Variants in DBNL observed in about 807,000 individuals in gnomAD.
The protein encoded by DBNL is drebrin-like protein.
Under a neutral mutation model 62.2 loss-of-function variants are expected in DBNL, and 35 were observed. The ratio of observed to expected loss-of-function variants is 0.56; its 90% CI spans 0.43 to 0.75. DBNL has a LOEUF of 0.75. Ranked by LOEUF, DBNL falls within the 30% of genes least tolerant of loss-of-function variation. The probability of loss-of-function intolerance (pLI) is 0.00; values close to 1 mark genes in which losing one functional copy is unlikely to be tolerated. For missense variants in DBNL, 495 were observed against 578.4 expected, an observed-to-expected ratio of 0.86 and a Z score of 1.48; for synonymous variants, 197 against 218.0, an observed-to-expected ratio of 0.90 and a Z score of 0.85.
intron 8 of DBNL, 174 bp downstream of exon 8, chr7:44,058,654 A>T: frequency 1.0e-6 from 1 of 972,310 alleles, no homozygotes. Flanking sequence ...CCAAAGGCGG[A>T]AGCGTCGGGC....
rs936304735 is a variant in DBNL, at chr7:44,059,925, C to T, written c.1048-123C>T. 2.1e-6 allele frequency: 2 copies of T among 962,416 alleles called. No homozygotes were observed. The highest frequency in any genetic ancestry group is 1.6e-5 in the South Asian group (1 of 63,682). 59.6% of individuals were successfully genotyped at this position (962,416 alleles called of 1,614,324 possible). On this transcript the variant is annotated intron_variant, in intron 11 of 12. Transcript: ENST00000448521. The surrounding 1 kb of genome is among the most constrained non-coding windows in gnomAD (Gnocchi z 4.1). ...TAGGGCGGGGACAGCAGCAGCCCAG[C>T]CCCCGAGCCTGTAGACTGCTTGCCC...
At chr7:44,057,314 C>G (rs1036181168) in intron 5 of DBNL, among the ~76,000 whole-genome samples, 1 of 152,222 alleles carries the variant, frequency 6.6e-6, no homozygotes, top group East Asian at 1.9e-4. Context: ...ACGGGAGATA[C>G]CTGTGGGCCT....
At position 44,065,625 on chromosome 7, in the gene DBNL, C is replaced by A; in HGVS notation, c.*4709C>A. 1 of 1,201,980 alleles carries A rather than the reference C, an allele frequency of 8.3e-7. No homozygotes were observed. The highest frequency in any genetic ancestry group is 1.2e-6 in the Non-Finnish European group (1 of 826,120). The allele number at this position is 1,201,980 out of a possible 1,614,324, so 74.5% of individuals were successfully genotyped here. A position where few individuals can be genotyped will look rare whatever the true frequency, so the allele number is the denominator to read the frequency against. On this transcript the variant is annotated 3_prime_UTR_variant, in exon 13 of 13. Transcript: ENST00000448521. ...GTGTCTTCCCAGCCCCCACCCACCC[C>A]AGCCAACTGCCAATCAGCATTCCAG...
rs1254453328 is a variant in DBNL, at chr7:44,064,887, T to C, written c.*3971T>C. ...TGTTCCCGTGGGCTGCAATGAGCAC[T>C]CGCTTGCCGGCCTTGATCTGGGGAA... On this transcript the variant is annotated 3_prime_UTR_variant, in exon 13 of 13. Coordinates refer to ENST00000448521, the MANE Select transcript of DBNL (RefSeq NM_001014436.3). 4 of 1,528,030 alleles carry C rather than the reference T, an allele frequency of 2.6e-6. No homozygotes were observed. In the African/African-American group the frequency reaches 5.6e-5, roughly 21 times the overall value. The allele number at this position is 1,528,030 out of a possible 1,614,324, so 94.7% of individuals were successfully genotyped here.
At chr7:44,056,094 T>C (rs979825312) in intron 4 of DBNL, among the ~76,000 whole-genome samples, 2 of 152,200 alleles carry the variant, frequency 1.3e-5, no homozygotes, top group African/African-American at 4.8e-5. Context: ...TTTTTTAATA[T>C]GGTAAAAGAT....
rs1313245122 is a variant in DBNL at position 44,062,310 on chromosome 7, A to T, written c.*1394A>T. 9.0e-6 allele frequency: 2 copies of T among 222,864 alleles called. No homozygotes were observed. The highest frequency in any genetic ancestry group is 1.8e-5 in the Non-Finnish European group (2 of 109,254). 13.8% of individuals were successfully genotyped at this position (222,864 alleles called of 1,614,324 possible). ...GCCCCCTGTGGGCTTGCCTGTCCCA[A>T]CCCAAGAGGCAGGGCTCAAAGTGCC... On this transcript the variant is annotated 3_prime_UTR_variant, in exon 13 of 13. Transcript: ENST00000448521.
rs1346551883 is a variant in DBNL, at chr7:44,062,152, A to G, written c.*1236A>G. ...TGGGGTGAAGGCTGCATGGAGCCCA[A>G]CCTTGCTCCTGGCCTTCCTGTGCTC... is the stretch of plus-strand genomic sequence containing the variant. On this transcript the variant is annotated 3_prime_UTR_variant, in exon 13 of 13. Coordinates refer to ENST00000448521, the MANE Select transcript of DBNL (RefSeq NM_001014436.3). 3 of 163,754 alleles carry G rather than the reference A, an allele frequency of 1.8e-5. No homozygotes were observed. The highest frequency in any genetic ancestry group is 4.8e-5 in the African/African-American group (2 of 41,738). 10.1% of individuals were successfully genotyped at this position (163,754 alleles called of 1,614,324 possible). A position where few individuals can be genotyped will look rare whatever the true frequency, so the allele number is the denominator to read the frequency against.
At position 44,052,960 on chromosome 7, in the gene DBNL, C is replaced by T. The variant is rs372137919; in HGVS notation, c.327+19C>T. 1.5e-4 allele frequency: 240 copies of T among 1,608,346 alleles called. No individual in the cohort carries two copies. Among genetic ancestry groups the T allele is most frequent in the Non-Finnish European group, 1.8e-4 (214 of 1,178,722 alleles). On this transcript the variant is annotated intron_variant, in intron 4 of 12. Coordinates refer to ENST00000448521, the MANE Select transcript of DBNL (RefSeq NM_001014436.3). The stretch of plus-strand genomic sequence containing the variant: ...CCTGAAGGTAAGGCCAGGTGAGGCC[C>T]GCTTCACTGGGAACAGGCCTCACAG...
chr7:44,044,888 G>C (rs2096114014), intron 1 of DBNL, 68 bp downstream of exon 1: 5 of 1,327,692 alleles, frequency 3.8e-6, no homozygotes, highest in Middle Eastern at 2.5e-4. Flanking sequence ...TGGGGCGAGC[G>C]GGGGACTCGG....
In DBNL at chr7:44,058,145, G is replaced by T; in HGVS notation, c.569G>T (p.Arg190Leu). ...TCCCTGCAGAAGGAGGAGGAGAACC[G>T]TCGGCTGGAGGAAAAGCGGCGGGCC... ...WAKAEKEEEN[R>L]RLEEKRRAEE... Residue 190 changes from arginine (R) to leucine (L), a missense_variant, in exon 7 of 13, where the codon CGT (arginine) becomes CTT (leucine). Transcript: ENST00000448521. 1.3e-6 allele frequency: 2 copies of T among 1,556,988 alleles called. No homozygotes were observed. Among genetic ancestry groups the T allele is most frequent in the Non-Finnish European group, 1.7e-6 (2 of 1,150,644 alleles).
intron 1 of DBNL, among the ~76,000 whole-genome samples, chr7:44,049,243 G>A (rs1367386654): frequency 2.6e-5 from 4 of 152,174 alleles, no homozygotes; most frequent in Non-Finnish European, 4.4e-5. Flanking sequence ...TGCAAGCCCC[G>A]CCTCCCGGGT....
intron 7 of DBNL, 33 bp from the exon 8 acceptor site, chr7:44,058,399 C>T: frequency 6.2e-7 from 1 of 1,614,094 alleles, no homozygotes; most frequent in East Asian, 2.2e-5. Context: ...GTGACTGTGC[C>T]TCAGCTGTGC....
In DBNL at chr7:44,052,934, TC is replaced by T; in HGVS notation, c.322del (p.Leu108Ter). The T allele has an allele frequency of 1.2e-6, 2 of 1,613,210 alleles. No individual in the cohort carries two copies. The highest frequency in any genetic ancestry group is 1.7e-6 in the Non-Finnish European group (2 of 1,179,914). Reference sequence around the variant, plus strand: ...AGCCACGTCAGCACCATGGCCAGCTTCCTGAAGGTAAGGCCAGGTGAGGCCC... The same window carrying T: ...AGCCACGTCAGCACCATGGCCAGCTTCTGAAGGTAAGGCCAGGTGAGGCCC... ...CASHVSTMAS[F>X]LKGAHVTINA... On this transcript the variant is annotated frameshift_variant, in exon 4 of 13. Coordinates refer to ENST00000448521, the MANE Select transcript of DBNL (RefSeq NM_001014436.3). LOFTEE classifies it high-confidence loss of function.
In DBNL at chr7:44,059,053, G is replaced by T; in HGVS notation, c.835+70G>T. On this transcript the variant is annotated intron_variant, in intron 9 of 12. Coordinates refer to ENST00000448521, the MANE Select transcript of DBNL (RefSeq NM_001014436.3). This position sits in a 1 kb window ranked among gnomAD's most constrained non-coding sequence, Gnocchi z 4.1. ...AGGGGGAGCCTGGGGTCCTATGTGG[G>T]CTCCCCCAAGGCTAGTGACAGATAT... 1 of 1,528,130 alleles carries T rather than the reference G, an allele frequency of 6.5e-7. No individual in the cohort carries two copies. The highest frequency in any genetic ancestry group is 9.0e-7 in the Non-Finnish European group (1 of 1,106,752). 94.7% of individuals were successfully genotyped at this position (1,528,130 alleles called of 1,614,324 possible). A position where few individuals can be genotyped will look rare whatever the true frequency, so the allele number is the denominator to read the frequency against.
chr7:44,065,248 GC>G lies in DBNL; in HGVS notation c.*4337del. 6.2e-7 allele frequency: 1 copy of G among 1,613,822 alleles called. No homozygotes were observed. Among genetic ancestry groups the G allele is most frequent in the Admixed American group, 1.7e-5 (1 of 60,022 alleles). On this transcript the variant is annotated 3_prime_UTR_variant, in exon 13 of 13. Transcript: ENST00000448521. ...TTTCTGCCTTGTTGAGGCCTGTGAG[GC>G]CCCCGTAATGCCGCTCATTGAGGCG...
At chr7:44,058,844 T>G in intron 8 of DBNL, 58 bp from the exon 9 acceptor site, 2 of 1,604,626 alleles carry the variant, frequency 1.2e-6, no homozygotes, top group Non-Finnish European at 8.5e-7. Flanking sequence ...GGCTGTGATC[T>G]GGGGAGAGGT....
intron 8 of DBNL, 108 bp from the exon 9 acceptor site, chr7:44,058,794 A>C (rs1472607638): frequency 7.1e-6 from 9 of 1,270,570 alleles, no homozygotes; most frequent in Non-Finnish European, 1.0e-5. Context: ...TCCTGGCCCC[A>C]CACTCACCTT....
In DBNL at chr7:44,060,630, C is replaced by T. The variant is rs2096146950; in HGVS notation, c.1154-147C>T. ...GGACAGGGTGCAGTGTTGGCCAAGG[C>T]TTAGCAGGGTGGCAGGGATATTTCT... On this transcript the variant is annotated intron_variant, in intron 12 of 12. Coordinates refer to ENST00000448521, the MANE Select transcript of DBNL (RefSeq NM_001014436.3). The surrounding 1 kb of genome is among the most constrained non-coding windows in gnomAD (Gnocchi z 6.3). 1 of 1,226,916 alleles carries T rather than the reference C, an allele frequency of 8.2e-7. No homozygotes were observed. The highest frequency in any genetic ancestry group is 1.1e-6 in the Non-Finnish European group (1 of 893,028). 76.0% of individuals were successfully genotyped at this position (1,226,916 alleles called of 1,614,324 possible).
Position 44,064,574 on chromosome 7 carries a change from A to G in DBNL, c.*3658A>G, listed in dbSNP as rs1184129792. Reference sequence around the variant, plus strand: ...AGCTGGGTGTCCCTTGGCAGATGCCACCTTTGGAGCCTGCCCCACCTCGGG... The same window carrying G: ...AGCTGGGTGTCCCTTGGCAGATGCCGCCTTTGGAGCCTGCCCCACCTCGGG... On this transcript the variant is annotated 3_prime_UTR_variant, in exon 13 of 13. Coordinates refer to ENST00000448521, the MANE Select transcript of DBNL (RefSeq NM_001014436.3). 1 of 535,714 alleles carries G rather than the reference A, an allele frequency of 1.9e-6. No individual in the cohort carries two copies. Among genetic ancestry groups the G allele is most frequent in the Non-Finnish European group, 3.4e-6 (1 of 296,714 alleles). 33.2% of individuals were successfully genotyped at this position (535,714 alleles called of 1,614,324 possible).
Sources: gnomAD v4.1 joint callset for allele counts (sites outside exome capture counted in the v4.1 genomes callset) on GRCh38, gnomAD v4.1.1 for gene constraint, Gnocchi (gnomAD v3.1) non-coding constraint, MANE v1.5 for transcripts, NCBI Gene and HGNC (gene_info 2026-07-23, HGNC 2026-07-21) for gene names.